Variants in NPSR1 observed in about 807,000 individuals in gnomAD.
The protein encoded by NPSR1 is neuropeptide S receptor.
In NPSR1, 48 loss-of-function variants were observed where a neutral mutation model predicts 46.9. That is an observed-to-expected ratio of 1.02 (90% CI 0.81 to 1.30). The LOEUF (loss-of-function observed/expected upper bound fraction) is 1.30. Ranked by LOEUF, NPSR1 falls within the 50% of genes most tolerant of loss-of-function variation. NPSR1 has a pLI of 0.00. For synonymous variants in NPSR1, 176 were observed against 168.1 expected, an observed-to-expected ratio of 1.05 and a Z score of -0.36; for missense variants, 450 against 449.5, an observed-to-expected ratio of 1.00 and a Z score of -0.01.
At chr7:34,673,899 T>C (rs1792182234) in intron 1 of NPSR1, among the ~76,000 whole-genome samples, 1 of 152,202 alleles carries the variant, frequency 6.6e-6, no homozygotes, top group Non-Finnish European at 1.5e-5. Context: ...ATCCCCATAG[T>C]TCATGGTAAA....
intron 2 of NPSR1, among the ~76,000 whole-genome samples, chr7:34,697,873 T>C (rs564240527): frequency 2.5e-4 from 38 of 152,148 alleles, no homozygotes; most frequent in African/African-American, 9.1e-4. Context: ...CTCAAATGTA[T>C]CAGTAATTGC....
At chr7:34,782,492 A>G (rs1431347700) in intron 3 of NPSR1, among the ~76,000 whole-genome samples, 1 of 152,086 alleles carries the variant, frequency 6.6e-6, no homozygotes, top group Non-Finnish European at 1.5e-5. Context: ...ATCTTTATCA[A>G]CTCTGACCTG....
At chr7:34,768,822 T>G (rs1305129943) in intron 2 of NPSR1, among the ~76,000 whole-genome samples, 1 of 152,088 alleles carries the variant, frequency 6.6e-6, no homozygotes, top group Non-Finnish European at 1.5e-5. Context: ...GGATTCAAAT[T>G]TGAGATCTAC....
intron 2 of NPSR1, among the ~76,000 whole-genome samples, chr7:34,741,110 A>T (rs1317376479): frequency 6.6e-6 from 1 of 152,086 alleles, no homozygotes; most frequent in Non-Finnish European, 1.5e-5. Flanking sequence ...TACTTTTAAG[A>T]TTGTCTCTTA....
At chr7:34,798,927 C>T (rs1788329581) in intron 3 of NPSR1, among the ~76,000 whole-genome samples, 2 of 151,994 alleles carry the variant, frequency 1.3e-5, no homozygotes, top group African/African-American at 4.8e-5. Flanking sequence ...GAAAATGTAA[C>T]ATCATAGTTT....
At chr7:34,847,079 C>G (rs550137333) in intron 7 of NPSR1, among the ~76,000 whole-genome samples, 8 of 152,278 alleles carry the variant, frequency 5.3e-5, no homozygotes, top group African/African-American at 1.9e-4. Flanking sequence ...ATCCAGAACA[C>G]TTAGTGGGTT....
chr7:34,847,827 T>C (rs1790793305), intron 7 of NPSR1, among the ~76,000 whole-genome samples: 1 of 152,188 alleles, frequency 6.6e-6, no homozygotes, highest in African/African-American at 2.4e-5. Context: ...CGCAGCCCAG[T>C]CAAGTAGTCT....
In NPSR1 at chr7:34,828,253, G is replaced by C. The variant is rs113093312; in HGVS notation, c.680+651G>C. 7.0e-4 allele frequency among the ~76,000 whole-genome samples: 107 copies of C among 152,348 alleles called. 1 individual carries two copies. The highest frequency in any genetic ancestry group is 2.5e-3 in the African/African-American group (105 of 41,574). On this transcript the variant is annotated intron_variant, in intron 5 of 8. Coordinates refer to ENST00000360581, the MANE Select transcript of NPSR1 (RefSeq NM_207172.2). ...CAGAGTCTGTGATGACCAGAAATCA[G>C]AGTGAGTGTAGAGGCAGAGTGGACA...
At chr7:34,853,988 A>T (rs28638201), downstream of NPSR1, among the ~76,000 whole-genome samples, 1 of 150,750 alleles carries the variant, frequency 6.6e-6, no homozygotes, top group East Asian at 1.9e-4. Context: ...AACAAAAAAC[A>T]AAAAAAACAT....
chr7:34,752,669 T>C (rs755525785), intron 2 of NPSR1, among the ~76,000 whole-genome samples: 36 of 152,186 alleles, frequency 2.4e-4, no homozygotes, highest in Admixed American at 8.5e-4. Context: ...AAGCCTGAAT[T>C]AGGAATATTC....
At chr7:34,775,263 G>T (rs1437657318) in intron 2 of NPSR1, among the ~76,000 whole-genome samples, 1 of 152,134 alleles carries the variant, frequency 6.6e-6, no homozygotes, top group Non-Finnish European at 1.5e-5. Context: ...AGCAGAAAAC[G>T]AATATTATTG....
chr7:34,826,282 C>T (rs1789832543), intron 4 of NPSR1, among the ~76,000 whole-genome samples: 1 of 152,160 alleles, frequency 6.6e-6, no homozygotes, highest in African/African-American at 2.4e-5. Context: ...CTTTTCAGTG[C>T]ATACAATTCA....
At chr7:34,714,090 T>C (rs1261921499) in intron 2 of NPSR1, among the ~76,000 whole-genome samples, 1 of 152,242 alleles carries the variant, frequency 6.6e-6, no homozygotes, top group Non-Finnish European at 1.5e-5. Flanking sequence ...ACTGGCACTG[T>C]TGGCACTGGT....
chr7:34,830,860 C>T (rs1417754961), intron 5 of NPSR1, among the ~76,000 whole-genome samples: 1 of 152,114 alleles, frequency 6.6e-6, no homozygotes, highest in Non-Finnish European at 1.5e-5. Flanking sequence ...CTGCTGATGC[C>T]TCACCTGCAC....
intron 8 of NPSR1, among the ~76,000 whole-genome samples, chr7:34,868,684 AG>A (rs1256002429): frequency 1.3e-5 from 2 of 151,564 alleles, no homozygotes; most frequent in Admixed American, 6.6e-5. Flanking sequence ...TCAAAATAAG[AG>A]GGGCAGCTCT....
At chr7:34,663,067 C>CTCTGTGTGTG (rs35826710) in intron 1 of NPSR1, among the ~76,000 whole-genome samples, 1 of 99,386 alleles carries the variant, frequency 1.0e-5, no homozygotes, top group African/African-American at 5.7e-5. Flanking sequence ...CTCTCTCTCT[C>CTCTGTGTGTG]TGTGTGTGTG....
intron 5 of NPSR1, among the ~76,000 whole-genome samples, chr7:34,831,508 G>T (rs1020229813): frequency 6.6e-6 from 1 of 152,104 alleles, no homozygotes; most frequent in African/African-American, 2.4e-5. Context: ...GAGAGAGAGA[G>T]AGGCAGTTGT....
At chr7:34,748,023 A>G (rs1583936041) in intron 2 of NPSR1, among the ~76,000 whole-genome samples, 1 of 152,326 alleles carries the variant, frequency 6.6e-6, no homozygotes, top group East Asian at 1.9e-4. Flanking sequence ...CAGAGAACAT[A>G]ATTGACATGC....
intron 3 of NPSR1, among the ~76,000 whole-genome samples, chr7:34,790,995 T>TA (rs1787789325): frequency 9.6e-6 from 1 of 104,050 alleles, no homozygotes; most frequent in African/African-American, 4.4e-5. Flanking sequence ...ATTATATATG[T>TA]TATATGTTAT....
Sources: allele counts gnomAD v4.1 joint callset (sites outside exome capture counted in the v4.1 genomes callset), GRCh38; gene constraint gnomAD v4.1.1; transcripts MANE v1.5; gene names NCBI Gene and HGNC (gene_info 2026-07-23, HGNC 2026-07-21).